Variants in POLA1 observed in about 807,000 individuals in gnomAD.
POLA1 encodes DNA polymerase alpha catalytic subunit.
Under a neutral mutation model 124.0 loss-of-function variants are expected in POLA1, and 15 were observed. The observed-to-expected ratio is 0.12, with a 90% CI of 0.08 to 0.19. The LOEUF is 0.19. POLA1 is among the 10% of genes least tolerant of loss of function. The pLI is 1.00. For missense variants in POLA1, 886 were observed against 1,103.4 expected (o/e 0.80, Z 2.79); for synonymous variants, 408 against 389.4 (o/e 1.05, Z -0.56).
At chrX:24,899,567 T>C (rs768876170) in intron 35 of POLA1, among the ~76,000 whole-genome samples, 4 of 111,150 alleles carry the variant, frequency 3.6e-5, no homozygotes, top group African/African-American at 6.6e-5. Flanking sequence ...AAAAAAGAAA[T>C]AGATGTCACT....
chrX:24,813,694 A>G (rs959533705), intron 29 of POLA1, among the ~76,000 whole-genome samples: 3 of 110,630 alleles, frequency 2.7e-5, no homozygotes, highest in Non-Finnish European at 5.7e-5. Flanking sequence ...CATGCCTGTA[A>G]TCCCAGCTAC....
intron 32 of POLA1, among the ~76,000 whole-genome samples, chrX:24,838,786 T>C (rs2046373678): frequency 8.9e-6 from 1 of 112,492 alleles, no homozygotes; most frequent in Non-Finnish European, 1.9e-5. Flanking sequence ...AGCTGCTGTT[T>C]TGCACATTTT....
intron 11 of POLA1, 87 bp from the exon 12 acceptor site, chrX:24,724,248 A>G: frequency 6.2e-6 from 3 of 485,690 alleles, no homozygotes; most frequent in Non-Finnish European, 7.1e-6. Flanking sequence ...ATGAAAATTG[A>G]TATAGACTTG....
At chrX:24,791,573 A>T (rs921075070) in intron 26 of POLA1, among the ~76,000 whole-genome samples, 2 of 112,021 alleles carry the variant, frequency 1.8e-5, no homozygotes, top group African/African-American at 6.5e-5. Flanking sequence ...TTTAGTAGAG[A>T]TGGAGTTTCA....
rs1426694103 is a variant in POLA1, at chrX:24,717,462, G to A, written c.879G>A (p.Ala293=). Residue 293 remains alanine (A), a synonymous_variant, in exon 9 of 37, where the codon GCG becomes GCA. Coordinates refer to ENST00000379068, the MANE Select transcript of POLA1 (RefSeq NM_001330360.2). ...CAGCAGAGGAAGTGAAACAAGAGGC[G>A]GATTCTGGGAAAGGGACCGTGTCCT... ...SEPAEEVKQE[A]DSGKGTVSYL... is the part of the protein sequence containing the mutation. 4 of 1,209,582 alleles carry A rather than the reference G, an allele frequency of 3.3e-6. No homozygotes were observed. Among genetic ancestry groups the A allele is most frequent in the East Asian group, 3.0e-5 (1 of 33,787 alleles).
At chrX:24,899,773 GC>G (rs1263618539) in intron 35 of POLA1, among the ~76,000 whole-genome samples, 3 of 111,480 alleles carry the variant, frequency 2.7e-5, no homozygotes, top group Non-Finnish European at 5.6e-5. Context: ...ATTGCTTTGA[GC>G]CCAGAATCTT....
chrX:24,710,992 C>G (rs780011518), intron 4 of POLA1, among the ~76,000 whole-genome samples: 1 of 110,589 alleles, frequency 9.0e-6, no homozygotes, highest in African/African-American at 3.3e-5. Flanking sequence ...CCTTTTCTTT[C>G]TTTTTTCTGA....
At chrX:24,817,573 A>C (rs1278212771) in intron 30 of POLA1, among the ~76,000 whole-genome samples, 3 of 100,917 alleles carry the variant, frequency 3.0e-5, no homozygotes, top group African/African-American at 1.1e-4. Flanking sequence ...GCGCCACCGC[A>C]CTCCAGCATG....
At position 24,788,602 on chromosome X, in the gene POLA1, C is replaced by T. The variant is rs375740001; in HGVS notation, c.2965-21296C>T. The T allele has an allele frequency of 5.1e-5, 61 of 1,190,486 alleles. No individual in the cohort carries two copies. The East Asian group carries it at 1.4e-3, about 27-fold the overall frequency. The stretch of plus-strand genomic sequence containing the variant: ...TGCTTCTGACGCGCTCCTCTAATTT[C>T]GCCATATCTGTCTCATCATCCCAAG... On this transcript the variant is annotated intron_variant, in intron 26 of 36. Coordinates refer to ENST00000379068, the MANE Select transcript of POLA1 (RefSeq NM_001330360.2).
At chrX:24,923,793 A>G (rs1316785736) in intron 35 of POLA1, among the ~76,000 whole-genome samples, 6 of 112,155 alleles carry the variant, frequency 5.3e-5, no homozygotes, top group Non-Finnish European at 9.4e-5. Context: ...GAGTTGGCAA[A>G]CCAGTATTTT....
At chrX:24,801,924 GGTGTGTGTGTGTGTGT>G (rs35938897) in intron 26 of POLA1, among the ~76,000 whole-genome samples, 3 of 74,540 alleles carry the variant, frequency 4.0e-5, no homozygotes, top group Admixed American at 1.7e-4. Flanking sequence ...GAGGTGGGTG[GGTGTGTGTGTGTGTGT>G]GTGTGTGTGT....
At chrX:24,759,405 C>T (rs192498864) in intron 26 of POLA1, among the ~76,000 whole-genome samples, 2 of 111,906 alleles carry the variant, frequency 1.8e-5, no homozygotes, top group East Asian at 5.6e-4. Flanking sequence ...TTTGTTCTAC[C>T]TAGCCCCTAA....
At chrX:24,710,988 C>G (rs182939031) in intron 4 of POLA1, among the ~76,000 whole-genome samples, 1 of 110,612 alleles carries the variant, frequency 9.0e-6, no homozygotes, top group East Asian at 2.9e-4. Flanking sequence ...ATTTCCTTTT[C>G]TTTCTTTTTT....
intron 36 of POLA1, among the ~76,000 whole-genome samples, chrX:24,952,423 G>C (rs1424612085): frequency 2.7e-5 from 3 of 111,954 alleles, no homozygotes; most frequent in African/African-American, 6.5e-5. Flanking sequence ...ACCACTTCAA[G>C]TGTTTGACCT....
intron 26 of POLA1, among the ~76,000 whole-genome samples, chrX:24,772,126 A>G (rs911535086): frequency 1.8e-5 from 2 of 111,198 alleles, no homozygotes; most frequent in African/African-American, 6.5e-5. Context: ...ATTTCAGGAG[A>G]TAGATGTCAC....
At chrX:24,953,167 C>G (rs936409180) in intron 36 of POLA1, among the ~76,000 whole-genome samples, 2 of 111,999 alleles carry the variant, frequency 1.8e-5, no homozygotes, top group African/African-American at 6.5e-5. Context: ...GGCCAGCAGA[C>G]TCCAAAGATG....
At chrX:24,909,643 G>C (rs1220599897) in intron 35 of POLA1, among the ~76,000 whole-genome samples, 2 of 111,433 alleles carry the variant, frequency 1.8e-5, no homozygotes, top group African/African-American at 6.5e-5. Flanking sequence ...CTGTAGCCTT[G>C]TAGTATAGTT....
chrX:24,940,842 T>G (rs1269387791), intron 36 of POLA1, among the ~76,000 whole-genome samples: 2 of 112,206 alleles, frequency 1.8e-5, no homozygotes, highest in East Asian at 5.6e-4. Flanking sequence ...AGTGTGAATT[T>G]TTTTAAAAAG....
At chrX:24,922,139 A>G (rs1487439145) in intron 35 of POLA1, among the ~76,000 whole-genome samples, 1 of 111,058 alleles carries the variant, frequency 9.0e-6, no homozygotes, top group Non-Finnish European at 1.9e-5. Context: ...AGTGGCGTGA[A>G]CATAGCTCAC....
Sources: gnomAD v4.1 joint callset for allele counts (sites outside exome capture counted in the v4.1 genomes callset) on GRCh38, gnomAD v4.1.1 for gene constraint, MANE v1.5 for transcripts, NCBI Gene and HGNC (gene_info 2026-07-23, HGNC 2026-07-21) for gene names.